PLEC: variants seen among roughly 807,000 people sequenced by gnomAD.
PLEC encodes hemidesmosomal protein 1.
In PLEC, 216 loss-of-function variants were observed where a neutral mutation model predicts 392.8. That is an observed-to-expected ratio of 0.55 (90% CI 0.49 to 0.62). The LOEUF (loss-of-function observed/expected upper bound fraction) is 0.62, where lower values mean the gene tolerates loss of function less well. Ranked by LOEUF, PLEC falls within the 20% of genes least tolerant of loss-of-function variation. The pLI is 0.00. For synonymous variants in PLEC, 3,621 were observed against 2,980.6 expected, an observed-to-expected ratio of 1.21 and a Z score of -7.00; for missense variants, 6,863 against 6,563.4, an observed-to-expected ratio of 1.05 and a Z score of -1.58.
In PLEC at chr8:143,921,465, T is replaced by A; in HGVS notation, c.8356A>T (p.Ile2786Phe). 6.2e-7 allele frequency: 1 copy of A among 1,612,994 alleles called. No homozygotes were observed. Among genetic ancestry groups the A allele is most frequent in the Non-Finnish European group, 8.5e-7 (1 of 1,179,788 alleles). Residue 2786 changes from isoleucine to phenylalanine, a missense_variant, in exon 32 of 32, where the codon ATC (isoleucine) becomes TTC (phenylalanine). Physicochemically the swap from Ile to Phe is conservative, Grantham distance 21. Transcript: ENST00000345136. ...GYKDPYTGQQ[I>F]SLFQAMQKGL... ...TTCTGCATGGCTTGGAAGAGAGAGA[T>A]CTGCTGGCCAGTGTAGGGGTCCTTG...
intron 1 of PLEC, among the ~76,000 whole-genome samples, chr8:143,967,318 G>T (rs951131113): frequency 2.2e-5 from 3 of 136,288 alleles, no homozygotes; most frequent in East Asian, 4.3e-4. Flanking sequence ...AGCCGAGATC[G>T]CGCCACTGCA....
upstream of PLEC, among the ~76,000 whole-genome samples, chr8:143,974,082 C>T (rs1331528072): frequency 6.6e-6 from 1 of 152,256 alleles, no homozygotes; most frequent in Non-Finnish European, 1.5e-5. The surrounding 1 kb of genome is among the most constrained non-coding windows in gnomAD (Gnocchi z 5.9). Flanking sequence ...TCACCAATGT[C>T]GGCCACCCTG....
In PLEC at chr8:143,935,125, G is replaced by A. The variant is rs1828654783; in HGVS notation, c.719-8C>T. On this transcript the variant is annotated splice_polypyrimidine_tract_variant and splice_region_variant and intron_variant, in intron 7 of 31. Transcript: ENST00000345136. ...GCTGAGGGACATCCACGTCTGCAGG[G>A]AAGGGCAGCTCAGCGGTGGCTCTGG... 3.7e-6 allele frequency: 6 copies of A among 1,612,838 alleles called. No individual in the cohort carries two copies. The highest frequency in any genetic ancestry group is 1.7e-5 in the Admixed American group (1 of 60,030).
chr8:143,953,631 G>T, upstream of PLEC: 2 of 1,342,570 alleles, frequency 1.5e-6, no homozygotes, highest in Non-Finnish European at 2.1e-6. Flanking sequence ...CCCAGGGATG[G>T]CAGACCCTGC....
In PLEC at chr8:143,923,841, G is replaced by C; in HGVS notation, c.6088C>G (p.Gln2030Glu). The C allele has an allele frequency of 6.3e-7, 1 of 1,587,874 alleles. No homozygotes were observed. Among genetic ancestry groups the C allele is most frequent in the East Asian group, 2.3e-5 (1 of 44,204 alleles). The change falls in exon 31 of 32, where the codon CAG (glutamine) becomes GAG (glutamate). Residue 2030 changes from glutamine (Q) to glutamate (E), a missense_variant. Transcript: ENST00000345136. ...AGCTGCAGCTGCCGCGCCGACTCCT[G>C]CTCCGCTCGCTCCCGCAGGCGCCGC... is the stretch of plus-strand genomic sequence containing the variant. ...EARRLRERAEQESARQLQLAQ... is the reference protein window; with the variant it reads ...EARRLRERAEEESARQLQLAQ...
rs1283392468 is a variant in PLEC at position 143,922,551 on chromosome 8, CCTT to C, written c.7375_7377del (p.Lys2459del). The stretch of plus-strand genomic sequence containing the variant: ...AGTTTGGCCTCCTGTTGGAGCTTCT[CCTT>C]CTCACGCTCCAGCTCAGCGATGGCC... On this transcript the variant is annotated inframe_deletion, in exon 31 of 32. Transcript: ENST00000345136. The C allele has an allele frequency of 3.7e-6, 6 of 1,612,944 alleles. No homozygotes were observed. Among genetic ancestry groups the C allele is most frequent in the Admixed American group, 3.3e-5 (2 of 60,008 alleles).
chr8:143,961,825 CT>C (rs1832885793), intron 1 of PLEC, among the ~76,000 whole-genome samples: 1 of 152,088 alleles, frequency 6.6e-6, no homozygotes, highest in African/African-American at 2.4e-5. Flanking sequence ...ACTGTGCATG[CT>C]TTTTTATTTT....
chr8:143,924,026 T>C lies in PLEC; in HGVS notation c.5903A>G (p.Glu1968Gly). The change falls in exon 31 of 32, where the codon GAG (glutamate) becomes GGG (glycine). Residue 1968 changes from glutamate (E) to glycine (G), a missense_variant. Glu to Gly is a moderately conservative substitution (Grantham distance 98). Transcript: ENST00000345136. ...TLRSKEQAELEAARQRQLAAE... is the reference protein window; with the variant it reads ...TLRSKEQAELGAARQRQLAAE... Reference sequence around the variant, plus strand: ...CGCCAGCTGCCGCTGCCTCGCAGCCTCCAGCTCGGCCTGCTCCTTGCTGCG... The same window carrying C: ...CGCCAGCTGCCGCTGCCTCGCAGCCCCCAGCTCGGCCTGCTCCTTGCTGCG... The C allele has an allele frequency of 6.3e-7, 1 of 1,592,094 alleles. No individual in the cohort carries two copies. Among genetic ancestry groups the C allele is most frequent in the South Asian group, 1.1e-5 (1 of 90,342 alleles).
rs1554717225 is a variant in PLEC at position 143,932,512 on chromosome 8, A to G, written c.1865T>C (p.Val622Ala). The G allele has an allele frequency of 6.2e-7, 1 of 1,612,542 alleles. No homozygotes were observed. The highest frequency in any genetic ancestry group is 8.5e-7 in the Non-Finnish European group (1 of 1,179,938). The stretch of plus-strand genomic sequence containing the variant: ...CATTAGCTCCTTAGTGGCGGCTGCC[A>G]CAAAGCTGTGCAAGCTCTCCAGGGA... ...LRSLESLHSF[V>A]AAATKELMWL... is the part of the protein sequence containing the mutation. The change falls in exon 16 of 32, where the codon GTG (valine) becomes GCG (alanine). Residue 622 changes from valine to alanine, a missense_variant. Physicochemically the swap from Val to Ala is moderately conservative, Grantham distance 64. Coordinates refer to ENST00000345136, the MANE Select transcript of PLEC (RefSeq NM_201384.3).
chr8:143,928,014 G>C (rs199511011), intron 25 of PLEC, 22 bp from the exon 26 acceptor site: 3 of 1,582,116 alleles, frequency 1.9e-6, no homozygotes, highest in African/African-American at 2.7e-5. Flanking sequence ...GCGGGGCTCA[G>C]GGCCATGACA....
rs544249203 is a variant in PLEC at position 143,969,177 on chromosome 8, G to C, written c.70+4226C>G. Among the ~76,000 whole-genome samples the C allele has an allele frequency of 6.6e-6, 1 of 152,232 alleles. No homozygotes were observed. Among genetic ancestry groups the C allele is most frequent in the Non-Finnish European group, 1.5e-5 (1 of 68,046 alleles). ...CACACCACGGAACCGACTCCAGCGGGGGGAGGGTGAGGTGCTGATGGCGCG... is the reference window on the plus strand; with the variant it reads ...CACACCACGGAACCGACTCCAGCGGCGGGAGGGTGAGGTGCTGATGGCGCG... On this transcript the variant is annotated intron_variant, in intron 1 of 31. Transcript: ENST00000356346. This position sits in a 1 kb window ranked among gnomAD's most constrained non-coding sequence, Gnocchi z 5.1.
chr8:143,950,883 G>T, upstream of PLEC: 1 of 1,318,410 alleles, frequency 7.6e-7, no homozygotes, highest in Non-Finnish European at 1.0e-6. Flanking sequence ...GCTCCCGGCT[G>T]TGTGGCTCGT....
rs963406499 is a variant in PLEC at position 143,920,404 on chromosome 8, G to A, written c.9417C>T (p.Ser3139=). Reference sequence around the variant, plus strand: ...TGCTGGGGTCCACGATGCCGCCCGTGGACAGCTGGGCGTCCAACAGGCGCA... The same window carrying A: ...TGCTGGGGTCCACGATGCCGCCCGTAGACAGCTGGGCGTCCAACAGGCGCA... ...QGLRLLDAQL[S]TGGIVDPSKS... is the part of the protein sequence containing the mutation. The change falls in exon 32 of 32, where the codon TCC becomes TCT. Residue 3139 remains serine (S), a synonymous_variant. Coordinates refer to ENST00000345136, the MANE Select transcript of PLEC (RefSeq NM_201384.3). 1.3e-6 allele frequency: 2 copies of A among 1,593,350 alleles called. No individual in the cohort carries two copies. The highest frequency in any genetic ancestry group is 1.7e-6 in the Non-Finnish European group (2 of 1,172,948).
intron 1 of PLEC, among the ~76,000 whole-genome samples, chr8:143,962,597 C>T (rs1832919634): frequency 6.6e-6 from 1 of 152,224 alleles, no homozygotes; most frequent in Non-Finnish European, 1.5e-5. Context: ...CCTAGCCTGT[C>T]TGACCAGACG....
Position 143,927,613 on chromosome 8 carries a change from G to A in PLEC, c.3553C>T (p.Leu1185Phe), listed in dbSNP as rs782530191. Residue 1185 changes from leucine (L) to phenylalanine (F), a missense_variant, in exon 27 of 32, where the codon CTT becomes TTT. By Grantham distance (22) the Leu-to-Phe change is conservative (BLOSUM62 0). Transcript: ENST00000345136. ...ERWRERVAQLLERWQAVLAQT... is the reference protein window; with the variant it reads ...ERWRERVAQLFERWQAVLAQT... The stretch of plus-strand genomic sequence containing the variant: ...GCCAGCACAGCCTGCCAGCGCTCAA[G>A]CAACTGGGCGACCCGCTCCCGCCAG... 1 of 1,586,884 alleles carries A rather than the reference G, an allele frequency of 6.3e-7. No homozygotes were observed. The highest frequency in any genetic ancestry group is 8.5e-7 in the Non-Finnish European group (1 of 1,172,348).
chr8:143,927,582 G>A lies in PLEC; in HGVS notation c.3584C>T (p.Thr1195Ile). The change falls in exon 27 of 32, where the codon ACC becomes ATC. Residue 1195 changes from threonine to isoleucine, a missense_variant. Transcript: ENST00000345136. ...CTCGAGCTCGCGCTGCCGCACGTCG[G>A]TCTGGGCCAGCACAGCCTGCCAGCG... The part of the protein sequence containing the change: ...LERWQAVLAQ[T>I]DVRQRELEQL... The A allele has an allele frequency of 6.3e-7, 1 of 1,589,696 alleles. No homozygotes were observed. The highest frequency in any genetic ancestry group is 1.1e-5 in the South Asian group (1 of 89,774).
In PLEC at chr8:143,924,685, C is replaced by G. The variant is rs1824277563; in HGVS notation, c.5244G>C (p.Gln1748His). ...RLQREAAAAT[Q>H]KRQELEAELA... ...GCTCGGCTTCCAGCTCCTGCCGTTT[C>G]TGCGTGGCTGCAGCCGCCTCACGCT... The change falls in exon 31 of 32, where the codon CAG becomes CAC. Residue 1748 changes from glutamine (Q) to histidine (H), a missense_variant. Gln to His is a conservative substitution (Grantham distance 24). Transcript: ENST00000345136. 6.5e-7 allele frequency: 1 copy of G among 1,535,004 alleles called. No homozygotes were observed. Among genetic ancestry groups the G allele is most frequent in the Admixed American group, 2.0e-5 (1 of 50,920 alleles).
exon 1 of PLEC, chr8:143,950,860 C>G (rs1481158883): frequency 2.8e-6 from 4 of 1,424,938 alleles, no homozygotes; most frequent in Admixed American, 4.8e-5. Flanking sequence ...GGGTGCTGAG[C>G]GTGAGGGCGC....
At position 143,934,674 on chromosome 8, in the gene PLEC, G is replaced by C. The variant is rs370574829; in HGVS notation, c.1002C>G (p.Ala334=). 27 of 1,612,924 alleles carry C rather than the reference G, an allele frequency of 1.7e-5. No individual in the cohort carries two copies. The highest frequency in any genetic ancestry group is 1.2e-4 in the South Asian group (11 of 91,090). The change falls in exon 10 of 32, where the codon GCC becomes GCG. Residue 334 remains alanine (A), a synonymous_variant. Coordinates refer to ENST00000345136, the MANE Select transcript of PLEC (RefSeq NM_201384.3). Reference sequence around the variant, plus strand: ...AGATGCCCTTGGACCTGTTCTTGTCGGCCTCCTTGGCTGGTAGCTCCATCT... The same window carrying C: ...AGATGCCCTTGGACCTGTTCTTGTCCGCCTCCTTGGCTGGTAGCTCCATCT... ...FKEMELPAKE[A]DKNRSKGIYQ... is the part of the protein sequence containing the mutation.
Sources: gnomAD v4.1 joint callset for allele counts (sites outside exome capture counted in the v4.1 genomes callset) on GRCh38, gnomAD v4.1.1 for gene constraint, Gnocchi (gnomAD v3.1) non-coding constraint, MANE v1.5 for transcripts, NCBI Gene and HGNC (gene_info 2026-07-23, HGNC 2026-07-21) for gene names.